The following GSK3B variants were observed in gnomAD, a reference collection of about 807,000 sequenced individuals.
GSK3B encodes the protein glycogen synthase kinase-3 beta.
In GSK3B, 15 loss-of-function variants were observed where a neutral mutation model predicts 56.4. The ratio of observed to expected loss-of-function variants is 0.27; its 90% CI spans 0.18 to 0.41. The LOEUF is 0.41. Ranked by LOEUF, GSK3B falls within the 10% of genes least tolerant of loss-of-function variation. The pLI, the probability that GSK3B is intolerant of heterozygous loss-of-function variation, is 1.00. For synonymous variants in GSK3B, 181 were observed against 188.9 expected (o/e 0.96, Z 0.34); for missense variants, 300 against 513.4 (o/e 0.58, Z 4.02).
intron 7 of GSK3B, among the ~76,000 whole-genome samples, chr3:119,890,106 C>T (rs150447808): frequency 6.6e-6 from 1 of 152,072 alleles, no homozygotes; most frequent in Non-Finnish European, 1.5e-5. Flanking sequence ...CATACACTTA[C>T]CATATGATCA....
At chr3:120,026,057 T>C (rs779885170) in intron 1 of GSK3B, among the ~76,000 whole-genome samples, 1 of 152,168 alleles carries the variant, frequency 6.6e-6, no homozygotes, top group Admixed American at 6.5e-5. Context: ...CCAGCTCTTA[T>C]TAAATCATAA....
At chr3:119,943,906 CAGAA>C (rs1364392014) in intron 3 of GSK3B, among the ~76,000 whole-genome samples, 3 of 151,418 alleles carry the variant, frequency 2.0e-5, no homozygotes, top group African/African-American at 4.9e-5. Context: ...AGCCCAGAGA[CAGAA>C]AGATAGAGAC....
intron 1 of GSK3B, among the ~76,000 whole-genome samples, chr3:120,075,772 A>G (rs1394907983): frequency 6.6e-6 from 1 of 152,220 alleles, no homozygotes; most frequent in Non-Finnish European, 1.5e-5. Flanking sequence ...TCATGGATCA[A>G]AAGAATATTG....
At chr3:120,025,698 A>G (rs2057916733) in intron 1 of GSK3B, among the ~76,000 whole-genome samples, 1 of 152,158 alleles carries the variant, frequency 6.6e-6, no homozygotes, top group Admixed American at 6.5e-5. Flanking sequence ...CTCAAGGATA[A>G]AAAAGAGTCT....
At chr3:119,961,632 C>CAA (rs1211316414) in intron 2 of GSK3B, among the ~76,000 whole-genome samples, 1 of 95,868 alleles carries the variant, frequency 1.0e-5, no homozygotes, top group African/African-American at 3.2e-5. Context: ...GTCTCACAAA[C>CAA]AAAAAAAAAA....
intron 2 of GSK3B, among the ~76,000 whole-genome samples, chr3:119,989,575 T>A (rs1236408840): frequency 6.7e-6 from 1 of 149,720 alleles, no homozygotes; most frequent in African/African-American, 2.5e-5. Context: ...AACCTGGGAG[T>A]TGGAGGTTGC....
chr3:119,981,560 C>T (rs761419471), intron 2 of GSK3B, among the ~76,000 whole-genome samples: 14 of 152,268 alleles, frequency 9.2e-5, no homozygotes, highest in East Asian at 3.9e-4. Context: ...CCTGGCTCGG[C>T]GGGTCCCACG....
intron 2 of GSK3B, among the ~76,000 whole-genome samples, chr3:119,994,739 A>C (rs2057598462): frequency 6.6e-6 from 1 of 152,210 alleles, no homozygotes; most frequent in Non-Finnish European, 1.5e-5. Context: ...AAAAACATGA[A>C]TGTCATGAAA....
At chr3:119,994,457 A>C (rs2057596256) in intron 2 of GSK3B, among the ~76,000 whole-genome samples, 1 of 152,198 alleles carries the variant, frequency 6.6e-6, no homozygotes, top group Non-Finnish European at 1.5e-5. Flanking sequence ...GATGAGAAAA[A>C]GGTTATTTAT....
intron 8 of GSK3B, among the ~76,000 whole-genome samples, chr3:119,867,572 A>G (rs2056200135): frequency 1.3e-5 from 2 of 152,154 alleles, no homozygotes; most frequent in East Asian, 1.9e-4. Flanking sequence ...AAAATTAACA[A>G]TACAACTAAG....
At chr3:120,028,816 G>T in intron 1 of GSK3B, 1 of 447,514 alleles carries the variant, frequency 2.2e-6, no homozygotes, top group Non-Finnish European at 4.3e-6. Flanking sequence ...GGCCGCAGCT[G>T]CAAGGAACTC....
chr3:120,069,376 A>G (rs182110304), intron 1 of GSK3B, among the ~76,000 whole-genome samples: 1 of 152,340 alleles, frequency 6.6e-6, no homozygotes, highest in Admixed American at 6.5e-5. Flanking sequence ...GAAAAAACTA[A>G]AACATACAGT....
intron 3 of GSK3B, among the ~76,000 whole-genome samples, chr3:119,939,543 A>G (rs1188155788): frequency 6.6e-6 from 1 of 152,136 alleles, no homozygotes; most frequent in Non-Finnish European, 1.5e-5. Context: ...GTCTCTTCTA[A>G]TTGTTTAGAA....
In GSK3B at chr3:120,094,110, C is replaced by T. The variant is rs201334863; in HGVS notation, c.-676G>A. ...AGCTGCAGGCGGCGGCTGGATCCAG[C>T]GGCCATGGCGGTGGCGGAGGCAGCT... On this transcript the variant is annotated 5_prime_UTR_variant, in exon 1 of 11. Transcript: ENST00000264235. The T allele has an allele frequency of 8.7e-6, 2 of 228,614 alleles. No homozygotes were observed. Among genetic ancestry groups the T allele is most frequent in the Non-Finnish European group, 8.7e-6 (1 of 114,786 alleles). 14.2% of individuals were successfully genotyped at this position (228,614 alleles called of 1,614,324 possible).
chr3:119,835,872 T>C (rs1282585950), intron 10 of GSK3B, among the ~76,000 whole-genome samples: 3 of 152,182 alleles, frequency 2.0e-5, no homozygotes, highest in Non-Finnish European at 4.4e-5. Flanking sequence ...ATATTAGTAG[T>C]ACCTGGGGAA....
intron 1 of GSK3B, among the ~76,000 whole-genome samples, chr3:120,087,260 T>G (rs2058470408): frequency 6.6e-6 from 1 of 152,216 alleles, no homozygotes; most frequent in Non-Finnish European, 1.5e-5. Context: ...CGGCCACATG[T>G]GGTGGTTCAC....
chr3:120,067,262 C>G (rs1191601838), intron 1 of GSK3B, among the ~76,000 whole-genome samples: 2 of 148,648 alleles, frequency 1.3e-5, no homozygotes, highest in Non-Finnish European at 3.0e-5. Flanking sequence ...AGAGAGGTAA[C>G]TAGGCATCAC....
intron 1 of GSK3B, among the ~76,000 whole-genome samples, chr3:120,077,573 T>C (rs1306796176): frequency 6.6e-6 from 1 of 151,850 alleles, no homozygotes; most frequent in Non-Finnish European, 1.5e-5. Flanking sequence ...ATGTACAACA[T>C]GAAGACTATA....
At chr3:119,912,501 G>GT (rs905999249) in intron 6 of GSK3B, among the ~76,000 whole-genome samples, 1 of 150,682 alleles carries the variant, frequency 6.6e-6, no homozygotes, top group South Asian at 2.1e-4. Context: ...CCTTTGAGAG[G>GT]TTAAAAAAAA....
Sources: allele counts gnomAD v4.1 joint callset (sites outside exome capture counted in the v4.1 genomes callset), GRCh38; gene constraint gnomAD v4.1.1; transcripts MANE v1.5; gene names NCBI Gene and HGNC (gene_info 2026-07-23, HGNC 2026-07-21).